LRFN5: variants seen among roughly 807,000 people sequenced by gnomAD.
The protein encoded by LRFN5 is leucine-rich repeat and fibronectin type-III domain-containing protein 5.
In LRFN5, 24 loss-of-function variants were observed where a neutral mutation model predicts 45.6. The observed-to-expected ratio is 0.53, with a 90% CI of 0.38 to 0.74. The LOEUF is 0.74. LRFN5 is among the 30% of genes least tolerant of loss of function. The pLI is 0.00. For synonymous variants in LRFN5, 340 were observed against 313.8 expected (o/e 1.08, Z -0.88); for missense variants, 776 against 861.5 (o/e 0.90, Z 1.24).
chr14:41,823,813 C>T (rs1019892477), intron 2 of LRFN5, among the ~76,000 whole-genome samples: 11 of 152,136 alleles, frequency 7.2e-5, no homozygotes, highest in Non-Finnish European at 1.3e-4. Flanking sequence ...ACCCATGACT[C>T]ATAGTTTTGA....
At chr14:41,860,908 AT>A (rs1335959667) in intron 2 of LRFN5, among the ~76,000 whole-genome samples, 2 of 152,212 alleles carry the variant, frequency 1.3e-5, no homozygotes, top group Admixed American at 1.3e-4. Context: ...AATGAAATAC[AT>A]TTAAAGAATA....
intron 1 of LRFN5, among the ~76,000 whole-genome samples, chr14:41,697,378 T>C (rs1882657573): frequency 6.6e-6 from 1 of 151,900 alleles, no homozygotes; most frequent in Admixed American, 6.6e-5. Context: ...TAAAAATTAT[T>C]CAAATCAGAA....
intron 1 of LRFN5, among the ~76,000 whole-genome samples, chr14:41,738,110 A>G (rs1173924458): frequency 6.6e-6 from 1 of 152,252 alleles, no homozygotes; most frequent in Non-Finnish European, 1.5e-5. Context: ...ACAAGGCTAC[A>G]GTAACCAAAA....
Position 41,808,871 on chromosome 14 carries a change from C to T in LRFN5, c.-21+41842C>T, listed in dbSNP as rs862537. Among the ~76,000 whole-genome samples the T allele has an allele frequency of 6.0e-3, 909 of 152,112 alleles. 6 individuals carry two copies. The highest frequency in any genetic ancestry group is 0.018 in the African/African-American group (766 of 41,524). On this transcript the variant is annotated intron_variant, in intron 2 of 5. Coordinates refer to ENST00000298119, the MANE Select transcript of LRFN5 (RefSeq NM_152447.5). ...AGAAATCCACTCCAGCTCCTAATCA[C>T]GACCCTGCATTGTGCATTTGATTAT...
chr14:41,816,159 C>T (rs543513716), intron 2 of LRFN5, among the ~76,000 whole-genome samples: 28 of 151,962 alleles, frequency 1.8e-4, no homozygotes, highest in South Asian at 1.0e-3. Flanking sequence ...CCCCTCCCTT[C>T]CCTCTATTTT....
At chr14:41,779,364 G>T (rs1423483084) in intron 2 of LRFN5, among the ~76,000 whole-genome samples, 1 of 151,730 alleles carries the variant, frequency 6.6e-6, no homozygotes. Context: ...TCCATTGTTT[G>T]TTCAATTTGT....
At chr14:41,681,959 C>T (rs1395050122) in intron 1 of LRFN5, among the ~76,000 whole-genome samples, 6 of 151,804 alleles carry the variant, frequency 4.0e-5, no homozygotes, top group Admixed American at 2.6e-4. Context: ...TCTGGGATTA[C>T]AGGCGTGCGC....
intron 1 of LRFN5, among the ~76,000 whole-genome samples, chr14:41,740,329 A>G (rs1439900745): frequency 6.6e-6 from 1 of 152,058 alleles, no homozygotes; most frequent in African/African-American, 2.4e-5. Flanking sequence ...AGCACATAAA[A>G]TATTTATTAA....
At chr14:41,721,758 T>C (rs4603462) in intron 1 of LRFN5, among the ~76,000 whole-genome samples, 25,528 of 152,140 alleles carry the variant, frequency 0.17, 2,324 homozygotes, top group Non-Finnish European at 0.22. Context: ...TGGGATTCCC[T>C]TTGTATGTAA....
chr14:41,757,927 T>C (rs2138861136), intron 1 of LRFN5, among the ~76,000 whole-genome samples: 1 of 152,290 alleles, frequency 6.6e-6, no homozygotes, highest in Middle Eastern at 3.4e-3. Context: ...GGTACCCATA[T>C]AGAGTGAGCT....
At chr14:41,730,643 C>G (rs749492937) in intron 1 of LRFN5, among the ~76,000 whole-genome samples, 5 of 151,876 alleles carry the variant, frequency 3.3e-5, no homozygotes, top group African/African-American at 1.2e-4. Flanking sequence ...TTTTTAATGA[C>G]TATATAGTGT....
chr14:41,861,289 G>A (rs901514896), intron 2 of LRFN5, among the ~76,000 whole-genome samples: 4 of 152,054 alleles, frequency 2.6e-5, no homozygotes, highest in East Asian at 1.9e-4. Context: ...TTACTAGCTC[G>A]ATTATTGTTT....
intron 2 of LRFN5, among the ~76,000 whole-genome samples, chr14:41,797,368 C>T (rs998004794): frequency 2.8e-4 from 43 of 151,446 alleles, no homozygotes; most frequent in African/African-American, 8.7e-4. Context: ...ATATCACCTT[C>T]CTATTTTGTG....
chr14:41,764,885 T>TGA (rs1246201993), intron 1 of LRFN5, among the ~76,000 whole-genome samples: 41 of 144,798 alleles, frequency 2.8e-4, no homozygotes, highest in Admixed American at 4.9e-4. Flanking sequence ...TACATATATA[T>TGA]TCATATAAAT....
intron 2 of LRFN5, among the ~76,000 whole-genome samples, chr14:41,843,290 C>T (rs891665468): frequency 1.3e-5 from 2 of 151,822 alleles, no homozygotes; most frequent in Admixed American, 6.6e-5. Flanking sequence ...GATGAGGTCT[C>T]ACTATGTTTC....
Position 41,904,530 on chromosome 14 carries a change from A to C in LRFN5, c.*355A>C, listed in dbSNP as rs916169889. 214 of 197,584 alleles carry C rather than the reference A, an allele frequency of 1.1e-3. 3 individuals carry two copies. The highest frequency in any genetic ancestry group is 1.7e-4 in the Non-Finnish European group (17 of 98,218). 12.2% of individuals were successfully genotyped at this position (197,584 alleles called of 1,614,324 possible). On this transcript the variant is annotated 3_prime_UTR_variant, in exon 6 of 6. Transcript: ENST00000298119. ...ATAATCTATATCACTTTAACAAATAAATGTTTTACTATGACAGAATTTGCA... is the reference window on the plus strand; with the variant it reads ...ATAATCTATATCACTTTAACAAATACATGTTTTACTATGACAGAATTTGCA...
At chr14:41,639,949 A>ATTTTTTTTTTTTTTTTTTTTT (rs34020254) in intron 1 of LRFN5, among the ~76,000 whole-genome samples, 7 of 68,034 alleles carry the variant, frequency 1.0e-4, no homozygotes, top group African/African-American at 1.7e-4. Flanking sequence ...TGACTGGCTA[A>ATTTTTTTTTTTTTTTTTTTTT]TTTTTTTTTT....
chr14:41,737,372 A>G (rs10130806), intron 1 of LRFN5, among the ~76,000 whole-genome samples: 1 of 152,176 alleles, frequency 6.6e-6, no homozygotes. Context: ...AGAGCTATTT[A>G]TGACAAACTC....
At chr14:41,818,104 A>G (rs1260086075) in intron 2 of LRFN5, among the ~76,000 whole-genome samples, 3 of 152,062 alleles carry the variant, frequency 2.0e-5, no homozygotes, top group African/African-American at 7.2e-5. Context: ...TATTACTTAT[A>G]TACTTATTTT....
Sources: gnomAD v4.1 joint callset for allele counts (sites outside exome capture counted in the v4.1 genomes callset) on GRCh38, gnomAD v4.1.1 for gene constraint, MANE v1.5 for transcripts, NCBI Gene and HGNC (gene_info 2026-07-23, HGNC 2026-07-21) for gene names.